The following VWA3B variants were observed in gnomAD, a reference collection of about 807,000 sequenced individuals.
The protein encoded by VWA3B is von Willebrand factor A domain-containing protein 3B.
A neutral mutation model predicts 158.3 loss-of-function variants in VWA3B; 138 were observed. That is an observed-to-expected ratio of 0.87 (90% CI 0.76 to 1.00). The LOEUF is 1.00. Ranked by LOEUF, VWA3B falls within the 50% of genes least tolerant of loss-of-function variation. VWA3B has a pLI of 0.00. For synonymous variants in VWA3B, 596 were observed against 587.3 expected, an observed-to-expected ratio of 1.01 and a Z score of -0.21; for missense variants, 1,555 against 1,565.1, an observed-to-expected ratio of 0.99 and a Z score of 0.11.
At chr2:98,299,043 G>A (rs754639064) in intron 24 of VWA3B, among the ~76,000 whole-genome samples, 12 of 152,346 alleles carry the variant, frequency 7.9e-5, no homozygotes, top group Admixed American at 3.3e-4. Context: ...GCTACCCGGC[G>A]TCAGGAGATG....
intron 8 of VWA3B, among the ~76,000 whole-genome samples, chr2:98,171,697 C>T (rs1679602186): frequency 6.6e-6 from 1 of 151,954 alleles, no homozygotes; most frequent in African/African-American, 2.4e-5. Context: ...AAAAAGATCA[C>T]TTTGGCTACA....
chr2:98,183,325 G>A (rs1680750087), intron 9 of VWA3B, among the ~76,000 whole-genome samples: 1 of 151,786 alleles, frequency 6.6e-6, no homozygotes, highest in South Asian at 2.1e-4. Flanking sequence ...CTAAGGCTGT[G>A]AAATAGGTAG....
chr2:98,230,412 A>G (rs926704210), intron 16 of VWA3B, among the ~76,000 whole-genome samples: 9 of 152,236 alleles, frequency 5.9e-5, no homozygotes, highest in Non-Finnish European at 8.8e-5. Context: ...AACATCTTGC[A>G]AAATAATAGT....
chr2:98,134,097 A>G, intron 7 of VWA3B, 158 bp downstream of exon 7: 1 of 646,420 alleles, frequency 1.5e-6, no homozygotes, highest in Non-Finnish European at 2.7e-6. Flanking sequence ...ATTAGTGGTG[A>G]GTTTGTCAGC....
intron 9 of VWA3B, among the ~76,000 whole-genome samples, chr2:98,187,360 G>A (rs191191291): frequency 2.1e-3 from 322 of 152,216 alleles, no homozygotes; most frequent in Non-Finnish European, 2.7e-3. Flanking sequence ...CTAAGAGGAG[G>A]AGCGCCGGTT....
intron 25 of VWA3B, among the ~76,000 whole-genome samples, chr2:98,300,637 T>A (rs1690119904): frequency 6.6e-6 from 1 of 152,070 alleles, no homozygotes. Context: ...GCTAGTGCTG[T>A]CCTCCTCTGC....
intron 25 of VWA3B, among the ~76,000 whole-genome samples, chr2:98,301,390 A>G (rs2105988813): frequency 6.6e-6 from 1 of 151,708 alleles, no homozygotes; most frequent in Middle Eastern, 3.5e-3. Context: ...AGGTTGCTTC[A>G]CCCCCTGAGA....
intron 7 of VWA3B, among the ~76,000 whole-genome samples, chr2:98,134,634 G>A (rs549089872): frequency 6.6e-6 from 1 of 151,910 alleles, no homozygotes; most frequent in Non-Finnish European, 1.5e-5. Context: ...TCGATTGTTG[G>A]ATGAAGGTAC....
chr2:98,110,756 T>TA (rs1439027535), intron 2 of VWA3B, among the ~76,000 whole-genome samples: 1 of 152,250 alleles, frequency 6.6e-6, no homozygotes, highest in African/African-American at 2.4e-5. Flanking sequence ...GCTGTGTCTC[T>TA]ACCCAAATCT....
chr2:98,114,352 A>C (rs2053918), intron 2 of VWA3B, among the ~76,000 whole-genome samples: 93,043 of 152,128 alleles, frequency 0.61, 31,116 homozygotes, highest in African/African-American at 0.89. Context: ...AAGGTGAAAT[A>C]TTGGAAACAC....
At chr2:98,220,485 A>G (rs1305527041) in intron 14 of VWA3B, among the ~76,000 whole-genome samples, 1 of 152,202 alleles carries the variant, frequency 6.6e-6, no homozygotes, top group African/African-American at 2.4e-5. Flanking sequence ...TATATCTCCA[A>G]AAGAGGACAA....
intron 6 of VWA3B, among the ~76,000 whole-genome samples, chr2:98,129,201 A>AG (rs1416637028): frequency 2.5e-5 from 3 of 120,360 alleles, no homozygotes; most frequent in Non-Finnish European, 5.0e-5. Context: ...AGTGAGAGAG[A>AG]GAGAGGAGAG....
intron 2 of VWA3B, among the ~76,000 whole-genome samples, chr2:98,114,096 T>C (rs1433078144): frequency 1.3e-5 from 2 of 152,252 alleles, no homozygotes; most frequent in East Asian, 1.9e-4. Flanking sequence ...TCTTTTTATA[T>C]TTCGTCCAGA....
chr2:98,228,371 C>A, intron 15 of VWA3B, 39 bp downstream of exon 15: 1 of 1,583,166 alleles, frequency 6.3e-7, no homozygotes, highest in Admixed American at 1.8e-5. Context: ...GCGCTGAGGC[C>A]TCTTGAGAGC....
intron 2 of VWA3B, among the ~76,000 whole-genome samples, chr2:98,114,642 T>C (rs972358912): frequency 6.6e-6 from 1 of 152,182 alleles, no homozygotes; most frequent in African/African-American, 2.4e-5. Context: ...GACTTAAAAA[T>C]AATAATTAAA....
chr2:98,203,297 A>G (rs1682741230), intron 12 of VWA3B, among the ~76,000 whole-genome samples: 1 of 152,176 alleles, frequency 6.6e-6, no homozygotes, highest in East Asian at 1.9e-4. Context: ...TATATGTGTT[A>G]ATGTCTCCAT....
intron 22 of VWA3B, among the ~76,000 whole-genome samples, chr2:98,284,760 C>T (rs1689067518): frequency 6.6e-6 from 1 of 151,974 alleles, no homozygotes; most frequent in Admixed American, 6.6e-5. Context: ...CTAGGCACTC[C>T]AATTGGGATG....
chr2:98,178,952 C>G (rs536332247), intron 8 of VWA3B, among the ~76,000 whole-genome samples: 3 of 152,226 alleles, frequency 2.0e-5, no homozygotes, highest in African/African-American at 7.2e-5. Flanking sequence ...GTAGGGCTCC[C>G]GTGGTCCCAG....
chr2:98,158,725 C>G (rs1463994148), intron 7 of VWA3B, among the ~76,000 whole-genome samples: 2 of 127,970 alleles, frequency 1.6e-5, no homozygotes, highest in Non-Finnish European at 3.2e-5. Flanking sequence ...GTGGTGGAGT[C>G]AAGACTATGT....
Sources: allele counts gnomAD v4.1 joint callset (sites outside exome capture counted in the v4.1 genomes callset), GRCh38; gene constraint gnomAD v4.1.1; transcripts MANE v1.5; gene names NCBI Gene and HGNC (gene_info 2026-07-23, HGNC 2026-07-21).